TGM5: variants seen among roughly 807,000 people sequenced by gnomAD.
The protein encoded by TGM5 is protein-glutamine gamma-glutamyltransferase 5.
Under a neutral mutation model 77.2 loss-of-function variants are expected in TGM5, and 69 were observed. The ratio of observed to expected loss-of-function variants is 0.89; its 90% CI spans 0.74 to 1.09. The LOEUF is 1.09. TGM5 is among the 50% of genes least tolerant of loss of function. The probability of loss-of-function intolerance (pLI) is 0.00; values close to 1 mark genes in which losing one functional copy is unlikely to be tolerated. For synonymous variants in TGM5, 346 were observed against 351.8 expected (o/e 0.98, Z 0.18); for missense variants, 842 against 896.5 (o/e 0.94, Z 0.78).
At position 43,260,581 on chromosome 15, in the gene TGM5, T is replaced by A. The variant is rs745839368; in HGVS notation, c.11-2A>T. On this transcript the variant is annotated splice_acceptor_variant, in intron 1 of 12. Coordinates refer to ENST00000220420, the MANE Select transcript of TGM5 (RefSeq NM_201631.4). LOFTEE classifies it high-confidence loss of function. Reference sequence around the variant, plus strand: ...GGTCTGTGAGGGCCACTTCTAGCCCTGCAATGGGGCAGCCAGGGTTAGACA... The same window carrying A: ...GGTCTGTGAGGGCCACTTCTAGCCCAGCAATGGGGCAGCCAGGGTTAGACA... 1.9e-6 allele frequency: 3 copies of A among 1,614,092 alleles called. No homozygotes were observed.
chr15:43,235,339 G>A, intron 10 of TGM5, 130 bp downstream of exon 10: 14 of 1,241,216 alleles, frequency 1.1e-5, no homozygotes, highest in Non-Finnish European at 1.4e-5. Flanking sequence ...GGAAGGAGGG[G>A]AATCGTGCCA....
Position 43,256,570 on chromosome 15 carries a change from G to GT in TGM5, c.552dup (p.Gln185ThrfsTer3), listed in dbSNP as rs1360305598. On this transcript the variant is annotated frameshift_variant, in exon 4 of 13. Coordinates refer to ENST00000220420, the MANE Select transcript of TGM5 (RefSeq NM_201631.4). LOFTEE classifies it high-confidence loss of function. The stretch of plus-strand genomic sequence containing the variant: ...CCATAAGCAGGGCTGAGACTCACCT[G>GT]TCCATAGTTCCAGGGACATGGGCGG... The GT allele has an allele frequency of 6.2e-7, 1 of 1,613,246 alleles. No individual in the cohort carries two copies. Among genetic ancestry groups the GT allele is most frequent in the African/African-American group, 1.3e-5 (1 of 75,026 alleles).
chr15:43,266,835 C>T lies in TGM5; in HGVS notation c.10+5G>A. On this transcript the variant is annotated splice_donor_5th_base_variant and intron_variant, in intron 1 of 12. Coordinates refer to ENST00000220420, the MANE Select transcript of TGM5 (RefSeq NM_201631.4). ...AACTCCAGTGGCCACAGGGGCTTTCCCTACCTTGGGCCATGGTAGCTGCCT... is the reference window on the plus strand; with the variant it reads ...AACTCCAGTGGCCACAGGGGCTTTCTCTACCTTGGGCCATGGTAGCTGCCT... The T allele has an allele frequency of 6.2e-7, 1 of 1,614,152 alleles. No homozygotes were observed. The highest frequency in any genetic ancestry group is 8.5e-7 in the Non-Finnish European group (1 of 1,180,018).
At position 43,261,074 on chromosome 15, in the gene TGM5, G is replaced by GTTTT. The variant is rs1387299009; in HGVS notation, c.11-496_11-495insAAAA. ...AGCTGCTCTTCCTTTTTTTGTGTGT[G>GTTTT]TGTTTTTTTTTTTTTTTTTTTTTTT... On this transcript the variant is annotated intron_variant, in intron 1 of 12. Coordinates refer to ENST00000220420, the MANE Select transcript of TGM5 (RefSeq NM_201631.4). Among the ~76,000 whole-genome samples the GTTTT allele has an allele frequency of 7.3e-4, 54 of 73,874 alleles. 1 individual carries two copies. The highest frequency in any genetic ancestry group is 1.1e-3 in the Non-Finnish European group (41 of 36,318). The allele number at this position is 73,874 out of a possible 152,430, so 48.5% of individuals were successfully genotyped here.
Position 43,252,926 on chromosome 15 carries a change from T to C in TGM5, c.695A>G (p.Asn232Ser), listed in dbSNP as rs1230665081. The change falls in exon 6 of 13, where the codon AAT becomes AGT. Residue 232 changes from asparagine to serine, a missense_variant. Transcript: ENST00000220420. ...SRVVCAMINSNDDNGVLNGNW... is the reference protein window; with the variant it reads ...SRVVCAMINSSDDNGVLNGNW... ...TCCATTGAGCACCCCATTATCATCA[T>C]TGCTGTTGATCTGAAGAGAAGCCAT... 2 of 1,613,288 alleles carry C rather than the reference T, an allele frequency of 1.2e-6. No individual in the cohort carries two copies. Among genetic ancestry groups the C allele is most frequent in the Non-Finnish European group, 1.7e-6 (2 of 1,180,012 alleles).
intron 4 of TGM5, 21 bp downstream of exon 4, chr15:43,256,547 A>G: frequency 6.3e-7 from 1 of 1,593,920 alleles, no homozygotes; most frequent in Non-Finnish European, 8.6e-7. Context: ...GGGATGGGCC[A>G]TAAGCAGGGC....
chr15:43,240,482 A>G (rs1596442874), intron 7 of TGM5, among the ~76,000 whole-genome samples: 1 of 141,260 alleles, frequency 7.1e-6, no homozygotes, highest in East Asian at 2.1e-4. Context: ...TATTGATCTG[A>G]TTTTGTGAGT....
At position 43,233,266 on chromosome 15, in the gene TGM5, G is replaced by T. The variant is rs2042559668; in HGVS notation, c.2088C>A (p.Ile696=). The change falls in exon 13 of 13, where the codon ATC becomes ATA. Residue 696 remains isoleucine, a synonymous_variant. Coordinates refer to ENST00000220420, the MANE Select transcript of TGM5 (RefSeq NM_201631.4). ...TVPFKSGQRQ[I]QANMRSNKFK... ...ACTTGTTGCTTCTCATATTAGCTTG[G>T]ATCTGCCTTTGTCCACTCTTGAAGG... 2 of 1,614,180 alleles carry T rather than the reference G, an allele frequency of 1.2e-6. No homozygotes were observed. Among genetic ancestry groups the T allele is most frequent in the South Asian group, 1.1e-5 (1 of 91,086 alleles).
Position 43,239,171 on chromosome 15 carries a change from A to G in TGM5, c.1097T>C (p.Met366Thr), listed in dbSNP as rs1596442140. The G allele has an allele frequency of 6.2e-7, 1 of 1,614,146 alleles. No individual in the cohort carries two copies. The highest frequency in any genetic ancestry group is 2.2e-5 in the East Asian group (1 of 44,872). ...CTTCTGGAGAGCCTCACCGTTGCTC[A>G]TCTCCTGAGGTGTGGCGTCCAGCAC... is the stretch of plus-strand genomic sequence containing the variant. ...WQVLDATPQEMSNGVYCCGPA... is the reference protein window; with the variant it reads ...WQVLDATPQETSNGVYCCGPA... The change falls in exon 8 of 13, where the codon ATG (methionine) becomes ACG (threonine). Residue 366 changes from methionine (M) to threonine (T), a missense_variant. Transcript: ENST00000220420.
intron 7 of TGM5, chr15:43,239,761 G>A (rs1290061653): frequency 5.3e-6 from 1 of 189,512 alleles, no homozygotes; most frequent in Non-Finnish European, 1.1e-5. Context: ...GACTCAGCTT[G>A]TGAACAGAAA....
At chr15:43,261,769 A>C (rs2042792082) in intron 1 of TGM5, among the ~76,000 whole-genome samples, 1 of 151,774 alleles carries the variant, frequency 6.6e-6, no homozygotes, top group Admixed American at 6.6e-5. Context: ...CATAATTCCA[A>C]CGTCTTCTCA....
rs1017015868 is a variant in TGM5 at position 43,236,376 on chromosome 15, A to G, written c.1346-539T>C. On this transcript the variant is annotated intron_variant, in intron 9 of 12. Coordinates refer to ENST00000220420, the MANE Select transcript of TGM5 (RefSeq NM_201631.4). Reference sequence around the variant, plus strand: ...CTAAGGGAAAGGAGAAGCACAGTAAATAAGTAAATACATATGAGAGGAGGT... The same window carrying G: ...CTAAGGGAAAGGAGAAGCACAGTAAGTAAGTAAATACATATGAGAGGAGGT... 5.9e-5 allele frequency among the ~76,000 whole-genome samples: 9 copies of G among 152,356 alleles called. No individual in the cohort carries two copies. The South Asian group carries it at 1.5e-3, about 25-fold the overall frequency.
intron 10 of TGM5, 72 bp downstream of exon 10, chr15:43,235,397 C>T: frequency 3.1e-6 from 5 of 1,607,822 alleles, no homozygotes; most frequent in Non-Finnish European, 4.3e-6. Context: ...CCCCCAGAAC[C>T]CTGTTGGCTG....
At chr15:43,238,062 T>C (rs2042603236) in intron 9 of TGM5, among the ~76,000 whole-genome samples, 1 of 152,258 alleles carries the variant, frequency 6.6e-6, no homozygotes, top group Non-Finnish European at 1.5e-5. Flanking sequence ...GGAGCCTCCC[T>C]GCGTCTGTCC....
In TGM5 at chr15:43,233,188, A is replaced by G; in HGVS notation, c.*3T>C. On this transcript the variant is annotated 3_prime_UTR_variant, in exon 13 of 13. Transcript: ENST00000220420. ...TCACACGTCTGGCGCGTTGTTCCAGAATTTATAATGCAAAGTCTACATAAA... is the reference window on the plus strand; with the variant it reads ...TCACACGTCTGGCGCGTTGTTCCAGGATTTATAATGCAAAGTCTACATAAA... The G allele has an allele frequency of 1.2e-6, 2 of 1,614,106 alleles. No individual in the cohort carries two copies. Among genetic ancestry groups the G allele is most frequent in the Non-Finnish European group, 1.7e-6 (2 of 1,180,032 alleles).
chr15:43,233,321 T>C lies in TGM5; in HGVS notation c.2033A>G (p.His678Arg). ...GGTCTCCAGAATGATGCTTGCTTGG[T>C]GTTGGGGTTTGAGGACTCCAAGGCT... ...KVFLGVLKPQ[H>R]QASIILETVP... The change falls in exon 13 of 13, where the codon CAC (histidine) becomes CGC (arginine). Residue 678 changes from histidine (H) to arginine (R), a missense_variant. His to Arg is a conservative substitution (Grantham distance 29, BLOSUM62 0). Around this residue, in one of 2 missense-constraint regions of TGM5, gnomAD observed 27 missense variants for 51.8 expected, o/e 0.52. Transcript: ENST00000220420. 2 of 1,614,014 alleles carry C rather than the reference T, an allele frequency of 1.2e-6. No homozygotes were observed. The highest frequency in any genetic ancestry group is 1.1e-5 in the South Asian group (1 of 91,090).
At chr15:43,250,719 G>A (rs1275838379) in intron 6 of TGM5, among the ~76,000 whole-genome samples, 1 of 152,214 alleles carries the variant, frequency 6.6e-6, no homozygotes, top group East Asian at 1.9e-4. Flanking sequence ...AGTGCCTGGT[G>A]TAGAATAAGG....
intron 1 of TGM5, among the ~76,000 whole-genome samples, chr15:43,264,662 G>C (rs772360646): frequency 1.3e-5 from 2 of 152,112 alleles, no homozygotes; most frequent in Non-Finnish European, 2.9e-5. Flanking sequence ...TTCTTTTTGA[G>C]GTAATGAAAT....
At chr15:43,237,650 G>A (rs1306174275) in intron 9 of TGM5, among the ~76,000 whole-genome samples, 2 of 151,890 alleles carry the variant, frequency 1.3e-5, no homozygotes, top group Non-Finnish European at 1.5e-5. Context: ...TGAGGCTAAA[G>A]TGATCCTCCC....
Sources: gnomAD v4.1 joint callset for allele counts (sites outside exome capture counted in the v4.1 genomes callset) on GRCh38, gnomAD v4.1.1 for gene constraint, gnomAD v4.1.1 regional missense constraint, MANE v1.5 for transcripts, NCBI Gene and HGNC (gene_info 2026-07-23, HGNC 2026-07-21) for gene names.